GNE: variants seen among roughly 807,000 people sequenced by gnomAD.
GNE encodes glucosamine (UDP-N-acetyl)-2-epimerase/N-acetylmannosamine kinase.
In GNE, 41 loss-of-function variants were observed where a neutral mutation model predicts 61.8. The ratio of observed to expected loss-of-function variants is 0.66; its 90% CI spans 0.52 to 0.86. The LOEUF (loss-of-function observed/expected upper bound fraction) is 0.86. Among genes scored for constraint, GNE ranks in the 40% least tolerant of loss-of-function variants. GNE has a pLI of 0.00. For missense variants in GNE, 608 were observed against 909.1 expected (o/e 0.67, Z 4.26); for synonymous variants, 264 against 326.4 (o/e 0.81, Z 2.06).
At position 36,231,089 on chromosome 9, in the gene GNE, G is replaced by A. The variant is rs990919682; in HGVS notation, c.983-1981C>T. 7.0e-3 allele frequency among the ~76,000 whole-genome samples: 748 copies of A among 107,448 alleles called. 3 individuals carry two copies. The highest frequency in any genetic ancestry group is 0.011 in the Non-Finnish European group (535 of 47,472). The allele number at this position is 107,448 out of a possible 152,430, so 70.5% of individuals were successfully genotyped here. On this transcript the variant is annotated intron_variant, in intron 5 of 11. Transcript: ENST00000642385. ...ACTAAAAAAAAAAAAAAAAAAGAAA[G>A]AAAGAGAGAGAGAGAAAGAGAAAGA...
At chr9:36,235,570 A>T (rs1386574821) in intron 4 of GNE, among the ~76,000 whole-genome samples, 6 of 152,216 alleles carry the variant, frequency 3.9e-5, no homozygotes, top group African/African-American at 1.4e-4. Context: ...TTGACAATGA[A>T]TGCTGAACGA....
At chr9:36,255,322 CT>C (rs1402449798) in intron 1 of GNE, among the ~76,000 whole-genome samples, 1 of 152,094 alleles carries the variant, frequency 6.6e-6, no homozygotes, top group Non-Finnish European at 1.5e-5. Context: ...ATTCTCCTGC[CT>C]CAGCCTCCCA....
At chr9:36,245,640 C>T (rs1429646616) in intron 3 of GNE, among the ~76,000 whole-genome samples, 3 of 152,010 alleles carry the variant, frequency 2.0e-5, no homozygotes, top group East Asian at 3.8e-4. Context: ...CACCACTGCA[C>T]TCCAGCCTAG....
At chr9:36,251,426 T>G (rs1467048303) in intron 1 of GNE, among the ~76,000 whole-genome samples, 1 of 152,182 alleles carries the variant, frequency 6.6e-6, no homozygotes, top group Non-Finnish European at 1.5e-5. Context: ...GTTTTTACAT[T>G]TTTGGAGATG....
chr9:36,222,928 C>T lies in GNE; in HGVS notation c.1482G>A (p.Glu494=), dbSNP rs1485580233. The T allele has an allele frequency of 1.2e-6, 2 of 1,614,200 alleles. No individual in the cohort carries two copies. The highest frequency in any genetic ancestry group is 1.7e-6 in the Non-Finnish European group (2 of 1,180,034). The change falls in exon 9 of 12, where the codon GAG becomes GAA. Residue 494 remains glutamate, a synonymous_variant. Transcript: ENST00000642385. Reference sequence around the variant, plus strand: ...GGGTCCTAAGGTCCACAGAGTTCCACTCTTGGATCAGTTTGGTTGAATGCA... The same window carrying T: ...GGGTCCTAAGGTCCACAGAGTTCCATTCTTGGATCAGTTTGGTTGAATGCA... ...IVLHSTKLIQ[E]WNSVDLRTPL...
chr9:36,224,212 C>T (rs768801889), intron 7 of GNE, among the ~76,000 whole-genome samples: 25 of 151,794 alleles, frequency 1.6e-4, no homozygotes, highest in Non-Finnish European at 2.5e-4. Context: ...GAGGCCAAGG[C>T]GGGAGAATCG....
At chr9:36,225,745 C>T (rs540595365) in intron 7 of GNE, among the ~76,000 whole-genome samples, 2 of 152,218 alleles carry the variant, frequency 1.3e-5, no homozygotes, top group Admixed American at 6.5e-5. Flanking sequence ...ACCTTGAGTC[C>T]AGTCTGGGAA....
At chr9:36,260,961 C>T (rs1406730109), upstream of GNE, among the ~76,000 whole-genome samples, 4 of 150,610 alleles carry the variant, frequency 2.7e-5, no homozygotes, top group African/African-American at 9.8e-5. Flanking sequence ...TTTCAAGGGA[C>T]CAAAATCAAG....
Position 36,216,359 on chromosome 9 carries a change from G to GTGTGT in GNE, c.*1005_*1006insACACA. The stretch of plus-strand genomic sequence containing the variant: ...TGTGTGTGTGTGTGTGTGTGTAGAC[G>GTGTGT]GAGTCTCGCTCTGTCACCCAGGGTG... On this transcript the variant is annotated 3_prime_UTR_variant, in exon 12 of 12. Coordinates refer to ENST00000642385, the MANE Select transcript of GNE (RefSeq NM_005476.7). The GTGTGT allele has an allele frequency of 2.5e-6, 1 of 400,528 alleles. No homozygotes were observed. The highest frequency in any genetic ancestry group is 5.2e-6 in the Non-Finnish European group (1 of 190,938). The allele number at this position is 400,528 out of a possible 1,614,324, so 24.8% of individuals were successfully genotyped here.
At chr9:36,254,670 G>A (rs553333629) in intron 1 of GNE, among the ~76,000 whole-genome samples, 1 of 152,050 alleles carries the variant, frequency 6.6e-6, no homozygotes, top group African/African-American at 2.4e-5. Context: ...ATTGAGTTTC[G>A]GCCGGGCGCA....
chr9:36,236,895 T>C lies in GNE; in HGVS notation c.706A>G (p.Thr236Ala). Residue 236 changes from threonine to alanine, a missense_variant, in exon 4 of 12, where the codon ACA becomes GCA. Transcript: ENST00000642385. ...TTAAATGAGATAAGTGCATCCAATG[T>C]TAATTCAAACATTTTTATGGAATGC... ...IKHSIKMFEL[T>A]LDALISFNKR... 6.2e-7 allele frequency: 1 copy of C among 1,613,130 alleles called. No individual in the cohort carries two copies. Among genetic ancestry groups the C allele is most frequent in the Non-Finnish European group, 8.5e-7 (1 of 1,179,078 alleles).
At chr9:36,265,568 C>G in intron 1 of GNE, 2 of 433,616 alleles carry the variant, frequency 4.6e-6, no homozygotes, top group Non-Finnish European at 9.6e-6. Flanking sequence ...ATATCTTTCC[C>G]TAGCTGGTAA....
At chr9:36,271,311 T>G (rs1831020511) in intron 1 of GNE, among the ~76,000 whole-genome samples, 1 of 152,178 alleles carries the variant, frequency 6.6e-6, no homozygotes, top group Non-Finnish European at 1.5e-5. Flanking sequence ...GAACACCCTA[T>G]CCCAAAATAA....
Position 36,222,887 on chromosome 9 carries a change from A to G in GNE, c.1523T>C (p.Leu508Ser), listed in dbSNP as rs1057516798. The G allele has an allele frequency of 1.2e-6, 2 of 1,614,040 alleles. No individual in the cohort carries two copies. Among genetic ancestry groups the G allele is most frequent in the East Asian group, 2.2e-5 (1 of 44,906 alleles). ...VDLRTPLSDT[L>S]HLPVWVDNDG... ...ATTGTCTACCCACACAGGGAGATGC[A>G]AAGTGTCAGAAAGGGGGGTCCTAAG... Residue 508 changes from leucine to serine, a missense_variant, in exon 9 of 12, where the codon TTG (leucine) becomes TCG (serine). Transcript: ENST00000642385.
upstream of GNE, among the ~76,000 whole-genome samples, chr9:36,260,281 TAAAA>T (rs538107305): frequency 5.7e-5 from 7 of 123,584 alleles, no homozygotes; most frequent in South Asian, 7.7e-4. Flanking sequence ...CCTCATCTCT[TAAAA>T]AAAAAAAAAA....
rs1563922387 is a variant in GNE, at chr9:36,214,733, T to C, written c.*2632A>G. On this transcript the variant is annotated 3_prime_UTR_variant, in exon 12 of 12. Transcript: ENST00000642385. ...GAACAGATGTCCCTTCCCAGAACAT[T>C]ATCTCACCCCAGACTCAGAAACTGA... is the stretch of plus-strand genomic sequence containing the variant. 1 of 152,142 alleles carries C rather than the reference T, an allele frequency of 6.6e-6. No individual in the cohort carries two copies. The highest frequency in any genetic ancestry group is 1.9e-4 in the East Asian group (1 of 5,196). 9.4% of individuals were successfully genotyped at this position (152,142 alleles called of 1,614,324 possible). A position where few individuals can be genotyped will look rare whatever the true frequency, so the allele number is the denominator to read the frequency against.
At chr9:36,255,810 A>T (rs748504253) in intron 1 of GNE, among the ~76,000 whole-genome samples, 10 of 152,166 alleles carry the variant, frequency 6.6e-5, no homozygotes, top group Non-Finnish European at 1.0e-4. Flanking sequence ...AAGACAGAAA[A>T]ACAAATAATA....
intron 9 of GNE, among the ~76,000 whole-genome samples, chr9:36,221,241 A>C (rs925087876): frequency 2.0e-5 from 3 of 152,178 alleles, no homozygotes; most frequent in African/African-American, 7.2e-5. Flanking sequence ...GAATCACTTG[A>C]ATCTGGGAGG....
chr9:36,222,501 C>G (rs146362124), intron 9 of GNE, among the ~76,000 whole-genome samples: 104 of 151,258 alleles, frequency 6.9e-4, no homozygotes, highest in African/African-American at 2.4e-3. Flanking sequence ...GGGCATCCAA[C>G]ACACTAACCA....
Sources: allele counts gnomAD v4.1 joint callset (sites outside exome capture counted in the v4.1 genomes callset), GRCh38; gene constraint gnomAD v4.1.1; transcripts MANE v1.5; gene names NCBI Gene and HGNC (gene_info 2026-07-23, HGNC 2026-07-21).